GTF3C1: variants seen among roughly 807,000 people sequenced by gnomAD.
GTF3C1 encodes general transcription factor 3C polypeptide 1.
Under a neutral mutation model 226.7 loss-of-function variants are expected in GTF3C1, and 57 were observed. The observed-to-expected ratio is 0.25, with a 90% CI of 0.20 to 0.31. The LOEUF is 0.31. Among genes scored for constraint, GTF3C1 ranks in the 10% least tolerant of loss-of-function variants. GTF3C1 has a pLI of 1.00. For synonymous variants in GTF3C1, 1,090 were observed against 1,084.8 expected (o/e 1.00, Z -0.09); for missense variants, 2,217 against 2,776.1 (o/e 0.80, Z 4.53).
chr16:27,549,196 C>A (rs2089228676), intron 1 of GTF3C1, among the ~76,000 whole-genome samples: 1 of 152,066 alleles, frequency 6.6e-6, no homozygotes, highest in Admixed American at 6.5e-5. Flanking sequence ...CCCATGAAGT[C>A]CCTGATAAAT....
At chr16:27,478,604 G>C (rs1445280167) in intron 27 of GTF3C1, 73 bp from the exon 28 acceptor site, 1 of 1,019,348 alleles carries the variant, frequency 9.8e-7, no homozygotes, top group African/African-American at 1.6e-5. Context: ...GCTGGCTCAA[G>C]ATGGCCATTT....
At position 27,464,908 on chromosome 16, in the gene GTF3C1, G is replaced by A. The variant is rs2087762139; in HGVS notation, c.5356-72C>T. Reference sequence around the variant, plus strand: ...TCCACGCTGGTGACGGGGGACGAGTGGAGTGGCCTCCCCTGACTGGCGGGT... The same window carrying A: ...TCCACGCTGGTGACGGGGGACGAGTAGAGTGGCCTCCCCTGACTGGCGGGT... On this transcript the variant is annotated intron_variant, in intron 33 of 36. Transcript: ENST00000356183. The A allele has an allele frequency of 7.8e-6, 10 of 1,276,974 alleles. No individual in the cohort carries two copies. In the South Asian group the frequency reaches 1.5e-4, roughly 20 times the overall value. 79.1% of individuals were successfully genotyped at this position (1,276,974 alleles called of 1,614,324 possible). A position where few individuals can be genotyped will look rare whatever the true frequency, so the allele number is the denominator to read the frequency against.
At chr16:27,488,896 A>G (rs2088186486) in intron 21 of GTF3C1, 147 bp downstream of exon 21, 1 of 769,606 alleles carries the variant, frequency 1.3e-6, no homozygotes, top group Non-Finnish European at 2.2e-6. Flanking sequence ...CACTGGGAAT[A>G]AAACAGGCCA....
At chr16:27,500,817 G>A (rs1390017682) in intron 12 of GTF3C1, among the ~76,000 whole-genome samples, 1 of 152,246 alleles carries the variant, frequency 6.6e-6, no homozygotes, top group African/African-American at 2.4e-5. Context: ...CTTCCTCTGG[G>A]ATGTTGCCTC....
chr16:27,469,601 A>G lies in GTF3C1; in HGVS notation c.4815-51T>C. 6.4e-7 allele frequency: 1 copy of G among 1,568,624 alleles called. No homozygotes were observed. The highest frequency in any genetic ancestry group is 8.7e-7 in the Non-Finnish European group (1 of 1,150,402). Reference sequence around the variant, plus strand: ...CCTGAGCATAGGCCAGCCAGTTGCTACTGCAGCCTCTCCCCTCCCTCAAGA... The same window carrying G: ...CCTGAGCATAGGCCAGCCAGTTGCTGCTGCAGCCTCTCCCCTCCCTCAAGA... On this transcript the variant is annotated intron_variant, in intron 31 of 36. Coordinates refer to ENST00000356183, the MANE Select transcript of GTF3C1 (RefSeq NM_001520.4). The surrounding 1 kb of genome is among the most constrained non-coding windows in gnomAD (Gnocchi z 4.5).
intron 14 of GTF3C1, among the ~76,000 whole-genome samples, 175 bp downstream of exon 14, chr16:27,497,461 CA>C (rs1197242033): frequency 2.0e-5 from 3 of 152,190 alleles, no homozygotes; most frequent in African/African-American, 7.2e-5. Context: ...TGCAGATAGA[CA>C]AACAGATGCT....
At position 27,462,599 on chromosome 16, in the gene GTF3C1, G is replaced by A; in HGVS notation, c.5925-113C>T. On this transcript the variant is annotated intron_variant, in intron 35 of 36. Coordinates refer to ENST00000356183, the MANE Select transcript of GTF3C1 (RefSeq NM_001520.4). This position sits in a 1 kb window ranked among gnomAD's most constrained non-coding sequence, Gnocchi z 4.5. Reference sequence around the variant, plus strand: ...GGCCTGGCCCAGGTCACAGGGCTGAGACCAGCCACCTCTTGCTCTCTGCTT... The same window carrying A: ...GGCCTGGCCCAGGTCACAGGGCTGAAACCAGCCACCTCTTGCTCTCTGCTT... The A allele has an allele frequency of 2.8e-6, 2 of 723,928 alleles. No homozygotes were observed. 44.8% of individuals were successfully genotyped at this position (723,928 alleles called of 1,614,324 possible).
intron 13 of GTF3C1, 95 bp downstream of exon 13, chr16:27,498,535 T>C: frequency 1.3e-6 from 1 of 763,864 alleles, no homozygotes; most frequent in Non-Finnish European, 2.4e-6. Flanking sequence ...CACTGATCCA[T>C]GCAGGTATAA....
chr16:27,537,200 C>G (rs1226283533), intron 4 of GTF3C1, among the ~76,000 whole-genome samples: 2 of 152,184 alleles, frequency 1.3e-5, no homozygotes, highest in African/African-American at 4.8e-5. Flanking sequence ...CACAAGAAAT[C>G]AAATCTGACT....
intron 19 of GTF3C1, among the ~76,000 whole-genome samples, chr16:27,491,452 T>C (rs935449393): frequency 1.2e-4 from 18 of 152,120 alleles, no homozygotes; most frequent in Admixed American, 2.0e-4. Flanking sequence ...TTGCGACACA[T>C]CATGGGGATG....
chr16:27,549,903 C>G lies in GTF3C1; in HGVS notation c.-13G>C. ...CCAGCGCGTCCATTGCTACTTCAGT[C>G]GGCGGCGCCCGGGGCGCATGCGCAA... On this transcript the variant is annotated 5_prime_UTR_variant, in exon 1 of 37. Coordinates refer to ENST00000356183, the MANE Select transcript of GTF3C1 (RefSeq NM_001520.4). 6.2e-7 allele frequency: 1 copy of G among 1,601,392 alleles called. No individual in the cohort carries two copies. Among genetic ancestry groups the G allele is most frequent in the East Asian group, 2.2e-5 (1 of 44,704 alleles).
chr16:27,512,935 C>A (rs1227020495), intron 6 of GTF3C1, among the ~76,000 whole-genome samples: 1 of 152,184 alleles, frequency 6.6e-6, no homozygotes, highest in Non-Finnish European at 1.5e-5. Flanking sequence ...ACCAAGATAT[C>A]CTGTGATACG....
chr16:27,485,946 A>C, intron 24 of GTF3C1, 51 bp downstream of exon 24: 96 of 1,240,210 alleles, frequency 7.7e-5, no homozygotes, highest in Non-Finnish European at 9.7e-5. Flanking sequence ...TCAGACAGGA[A>C]GGAGCTCCGA....
intron 6 of GTF3C1, among the ~76,000 whole-genome samples, chr16:27,524,547 G>A (rs1352642833): frequency 6.6e-6 from 1 of 152,144 alleles, no homozygotes; most frequent in East Asian, 1.9e-4. Context: ...AGACAGTGAT[G>A]GAACAAGAAT....
In GTF3C1 at chr16:27,478,506, C is replaced by T; in HGVS notation, c.4222G>A (p.Glu1408Lys). Residue 1408 changes from glutamate to lysine, a missense_variant, in exon 28 of 37, where the codon GAA becomes AAA. Around this residue, in one of 12 missense-constraint regions of GTF3C1, gnomAD observed 546 missense variants for 663.0 expected, o/e 0.82. Coordinates refer to ENST00000356183, the MANE Select transcript of GTF3C1 (RefSeq NM_001520.4). ...ARYRVLAIGDEKDQTRKEDEL... is the reference protein window; with the variant it reads ...ARYRVLAIGDKKDQTRKEDEL... Reference sequence around the variant, plus strand: ...TCCTCTTTCCTGGTTTGATCTTTTTCATCCCCAATTGCCAAAACTCGGTAC... The same window carrying T: ...TCCTCTTTCCTGGTTTGATCTTTTTTATCCCCAATTGCCAAAACTCGGTAC... The T allele has an allele frequency of 6.2e-7, 1 of 1,612,444 alleles. No homozygotes were observed. The highest frequency in any genetic ancestry group is 8.5e-7 in the Non-Finnish European group (1 of 1,178,464).
intron 7 of GTF3C1, among the ~76,000 whole-genome samples, chr16:27,509,568 T>TAAC (rs1357310158): frequency 5.9e-5 from 9 of 151,540 alleles, no homozygotes; most frequent in Admixed American, 3.3e-4. Flanking sequence ...CCATCCTGGC[T>TAAC]AACACAGTGA....
chr16:27,468,862 A>G (rs1445736778), intron 32 of GTF3C1, among the ~76,000 whole-genome samples: 1 of 152,240 alleles, frequency 6.6e-6, no homozygotes, highest in Non-Finnish European at 1.5e-5. Flanking sequence ...TATCTTTCCT[A>G]GCAAGGGGTC....
intron 16 of GTF3C1, among the ~76,000 whole-genome samples, chr16:27,494,434 A>C (rs906451316): frequency 7.9e-5 from 12 of 151,638 alleles, no homozygotes; most frequent in East Asian, 3.9e-4. Context: ...AACAAAAAAA[A>C]CCACGTTTTA....
chr16:27,519,140 T>C (rs1425931085), intron 6 of GTF3C1, among the ~76,000 whole-genome samples: 7 of 150,628 alleles, frequency 4.6e-5, no homozygotes, highest in Non-Finnish European at 1.0e-4. Context: ...CAGTAAAGGA[T>C]ACTAAGAATT....
Sources: allele counts gnomAD v4.1 joint callset (sites outside exome capture counted in the v4.1 genomes callset), GRCh38; gene constraint gnomAD v4.1.1; regional missense constraint gnomAD v4.1.1; non-coding constraint Gnocchi (gnomAD v3.1); transcripts MANE v1.5; gene names NCBI Gene and HGNC (gene_info 2026-07-23, HGNC 2026-07-21).